Variants in THADA observed in about 807,000 individuals in gnomAD.
THADA encodes the protein tRNA (32-2'-O)-methyltransferase regulator THADA.
THADA carries 213 observed loss-of-function variants against 219.8 expected under a neutral mutation model. The observed-to-expected ratio is 0.97, with a 90% CI of 0.87 to 1.09. The LOEUF is 1.09. Ranked by LOEUF, THADA falls within the 50% of genes least tolerant of loss-of-function variation. The pLI, the probability that THADA is intolerant of heterozygous loss-of-function variation, is 0.00. For synonymous variants in THADA, 1,018 were observed against 828.9 expected (o/e 1.23, Z -3.92); for missense variants, 2,956 against 2,311.3 (o/e 1.28, Z -5.72).
At chr2:43,291,842 T>C (rs1325632589) in intron 33 of THADA, 74 bp from the exon 34 acceptor site, 6 of 1,330,368 alleles carry the variant, frequency 4.5e-6, no homozygotes, top group East Asian at 2.6e-5. Context: ...TTTTTGCAGA[T>C]AGTCTGTAAT....
At chr2:43,486,441 C>G (rs1297392925) in intron 25 of THADA, 3 of 152,164 alleles carry the variant, frequency 2.0e-5, no homozygotes, top group African/African-American at 7.2e-5. Context: ...ACTCACCTTG[C>G]TACAGTGTGT....
chr2:43,429,709 C>G (rs1678987734), intron 27 of THADA, among the ~76,000 whole-genome samples: 1 of 151,338 alleles, frequency 6.6e-6, no homozygotes, highest in South Asian at 2.1e-4. Context: ...AGTTTCTGTA[C>G]CACCGAAAAT....
intron 27 of THADA, 35 bp from the exon 28 acceptor site, chr2:43,428,266 C>T: frequency 1.3e-6 from 2 of 1,552,066 alleles, no homozygotes; most frequent in South Asian, 1.2e-5. Context: ...AAAGATTTCA[C>T]ATTTAGGTAG....
chr2:43,242,785 G>C (rs75586041), intron 36 of THADA, among the ~76,000 whole-genome samples: 10 of 152,118 alleles, frequency 6.6e-5, no homozygotes, highest in Admixed American at 2.0e-4. Flanking sequence ...CACTGTGCCC[G>C]GCCCAGCACC....
Position 43,592,347 on chromosome 2 carries a change from T to C in THADA, c.46A>G (p.Ile16Val), listed in dbSNP as rs780928464. ...KKEMQVAALT[I>V]CHQDLETLKS... ...AAAGTTTCAAGGTCCTGATGGCAAATGGTCAGCGCAGCAACTTGCATTTCT... is the reference window on the plus strand; with the variant it reads ...AAAGTTTCAAGGTCCTGATGGCAAACGGTCAGCGCAGCAACTTGCATTTCT... Residue 16 changes from isoleucine (I) to valine (V), a missense_variant, in exon 2 of 38, where the codon ATT becomes GTT. Coordinates refer to ENST00000405975, the MANE Select transcript of THADA (RefSeq NM_022065.5). 6.8e-6 allele frequency: 11 copies of C among 1,608,488 alleles called. No individual in the cohort carries two copies. Among genetic ancestry groups the C allele is most frequent in the Non-Finnish European group, 9.3e-6 (11 of 1,177,588 alleles).
chr2:43,479,727 C>T (rs192611163), intron 26 of THADA, among the ~76,000 whole-genome samples: 5 of 152,270 alleles, frequency 3.3e-5, no homozygotes, highest in East Asian at 1.9e-4. Flanking sequence ...CATAGTTTTA[C>T]GACATTCCCG....
chr2:43,381,081 C>A (rs1270491626), intron 29 of THADA, among the ~76,000 whole-genome samples: 1 of 111,040 alleles, frequency 9.0e-6, no homozygotes, highest in Admixed American at 1.4e-4. Flanking sequence ...CCGGGCGAGA[C>A]AGAGCGAGAC....
At chr2:43,260,069 T>C (rs780803633) in intron 36 of THADA, among the ~76,000 whole-genome samples, 2 of 152,142 alleles carry the variant, frequency 1.3e-5, no homozygotes, top group Admixed American at 1.3e-4. Flanking sequence ...CTGCAGCCTA[T>C]GCCTCCCGGG....
At chr2:43,343,449 C>G (rs1667280208) in intron 30 of THADA, 1 of 152,066 alleles carries the variant, frequency 6.6e-6, no homozygotes, top group Non-Finnish European at 1.5e-5. Flanking sequence ...CTACGGAGGG[C>G]CTTTGCAGTT....
chr2:43,328,054 T>C (rs1177267886), intron 30 of THADA, among the ~76,000 whole-genome samples: 11 of 152,198 alleles, frequency 7.2e-5, no homozygotes, highest in Non-Finnish European at 1.3e-4. Flanking sequence ...CATTAAGCCA[T>C]GTAAATGTGG....
At chr2:43,531,649 A>G (rs1444296753) in intron 21 of THADA, among the ~76,000 whole-genome samples, 1 of 152,160 alleles carries the variant, frequency 6.6e-6, no homozygotes, top group East Asian at 1.9e-4. Context: ...AATCAGAAAC[A>G]ATTTCAAAAT....
chr2:43,282,837 T>C (rs966471076), intron 35 of THADA, among the ~76,000 whole-genome samples: 1 of 152,224 alleles, frequency 6.6e-6, no homozygotes, highest in African/African-American at 2.4e-5. Flanking sequence ...CCTATTACTC[T>C]TGACACACGG....
intron 26 of THADA, among the ~76,000 whole-genome samples, chr2:43,467,780 C>A (rs1684432079): frequency 1.3e-5 from 2 of 151,614 alleles, no homozygotes; most frequent in Non-Finnish European, 1.5e-5. Context: ...ATGACTACCA[C>A]AACTGACTAA....
At chr2:43,535,155 C>G in intron 21 of THADA, among the ~76,000 whole-genome samples, 1 of 125,412 alleles carries the variant, frequency 8.0e-6, no homozygotes, top group Non-Finnish European at 1.7e-5. Context: ...AATGTCTGTT[C>G]AGATCATTTG....
Position 43,293,129 on chromosome 2 carries a change from T to C in THADA, c.4523A>G (p.Lys1508Arg). 1 of 1,614,000 alleles carries C rather than the reference T, an allele frequency of 6.2e-7. No individual in the cohort carries two copies. ...ELITGFPWAF[K>R]VPGLPQYLQS... ...GAGGTACTGGGGCAGGCCTGGCACC[T>C]TGAAGGCCCAAGGGAATCCCGTTAT... The change falls in exon 32 of 38, where the codon AAG (lysine) becomes AGG (arginine). Residue 1508 changes from lysine to arginine, a missense_variant. Coordinates refer to ENST00000405975, the MANE Select transcript of THADA (RefSeq NM_022065.5).
At chr2:43,368,374 C>A (rs1313601408) in intron 29 of THADA, among the ~76,000 whole-genome samples, 2 of 152,076 alleles carry the variant, frequency 1.3e-5, no homozygotes, top group African/African-American at 2.4e-5. Context: ...ACATCGTTAG[C>A]CCCTTATCTT....
chr2:43,522,293 A>C (rs1424398604), intron 22 of THADA, among the ~76,000 whole-genome samples: 4 of 152,230 alleles, frequency 2.6e-5, no homozygotes, highest in Admixed American at 6.5e-5. Context: ...AAGCCATCTT[A>C]ACCTCCCTCA....
intron 36 of THADA, among the ~76,000 whole-genome samples, chr2:43,259,097 G>A (rs1572809155): frequency 6.6e-6 from 1 of 152,180 alleles, no homozygotes; most frequent in African/African-American, 2.4e-5. Flanking sequence ...CAGTTTCAGA[G>A]TGACATGATG....
intron 26 of THADA, among the ~76,000 whole-genome samples, chr2:43,468,351 G>C (rs1026201726): frequency 1.3e-5 from 2 of 152,174 alleles, no homozygotes; most frequent in Non-Finnish European, 2.9e-5. Context: ...ACAACGCTTT[G>C]AAACACTATA....
Sources: allele counts gnomAD v4.1 joint callset (sites outside exome capture counted in the v4.1 genomes callset), GRCh38; gene constraint gnomAD v4.1.1; transcripts MANE v1.5; gene names NCBI Gene and HGNC (gene_info 2026-07-23, HGNC 2026-07-21).